Variants in NYAP2 observed in about 807,000 individuals in gnomAD.
NYAP2 encodes neuronal tyrosine-phosphorylated phosphoinositide-3-kinase adaptor 2.
Under a neutral mutation model 50.4 loss-of-function variants are expected in NYAP2, and 23 were observed. The observed-to-expected ratio is 0.46, with a 90% CI of 0.33 to 0.65. The LOEUF is 0.65. Among genes scored for constraint, NYAP2 ranks in the 30% least tolerant of loss-of-function variants. The pLI is 0.02. For missense variants in NYAP2, 885 were observed against 861.0 expected, an observed-to-expected ratio of 1.03 and a Z score of -0.35; for synonymous variants, 394 against 365.2, an observed-to-expected ratio of 1.08 and a Z score of -0.90.
In NYAP2 at chr2:225,627,109, C is replaced by T. The variant is rs372836261; in HGVS notation, c.1811C>T (p.Ala604Val). 149 of 1,586,664 alleles carry T rather than the reference C, an allele frequency of 9.4e-5. No homozygotes were observed. Among genetic ancestry groups the T allele is most frequent in the Non-Finnish European group, 1.2e-4 (137 of 1,166,278 alleles). ...TGCTCTGTGAGCCCCACCTTGTTAG[C>T]GGGAAACCACAGTTCAGGTAAGGCA... The change falls in exon 6 of 7, where the codon GCG (alanine) becomes GTG (valine). Residue 604 changes from alanine (A) to valine (V), a missense_variant. By Grantham distance (64) the Ala-to-Val change is moderately conservative. Coordinates refer to ENST00000636099, the Ensembl canonical transcript of NYAP2.
At chr2:225,657,039 A>C (rs974773679), downstream of NYAP2, among the ~76,000 whole-genome samples, 1 of 152,038 alleles carries the variant, frequency 6.6e-6, no homozygotes, top group Non-Finnish European at 1.5e-5. Flanking sequence ...GAGTGTGAGA[A>C]AGGCTAACAA....
At chr2:225,676,278 C>T in the NYAP2 span, among the ~76,000 whole-genome samples, 1 of 151,880 alleles carries the variant, frequency 6.6e-6, no homozygotes, top group Non-Finnish European at 1.5e-5. Context: ...TTTTTATATT[C>T]TGAGGTCAGA....
the NYAP2 span, chr2:225,699,572 T>C: frequency 6.6e-6 from 1 of 151,936 alleles, no homozygotes; most frequent in African/African-American, 2.4e-5. Flanking sequence ...AATGCCAATC[T>C]TTCTAAAAGT....
At chr2:225,594,625 C>T (rs1047113347) in intron 5 of NYAP2, among the ~76,000 whole-genome samples, 6 of 152,122 alleles carry the variant, frequency 3.9e-5, no homozygotes, top group East Asian at 1.9e-4. Flanking sequence ...ATGTGACTCG[C>T]GGTCTTGAAT....
intron 5 of NYAP2, among the ~76,000 whole-genome samples, chr2:225,623,961 A>C (rs1041142888): frequency 6.6e-6 from 1 of 152,228 alleles, no homozygotes; most frequent in Non-Finnish European, 1.5e-5. Flanking sequence ...ATCAATATGC[A>C]TTTTTAAAAT....
chr2:225,508,139 G>C (rs1041585410), intron 3 of NYAP2, among the ~76,000 whole-genome samples: 2 of 152,126 alleles, frequency 1.3e-5, no homozygotes, highest in African/African-American at 4.8e-5. Flanking sequence ...ATGAGAAAAA[G>C]CATACTTGTT....
chr2:225,641,656 T>C (rs1693536964), intron 6 of NYAP2, among the ~76,000 whole-genome samples: 1 of 151,708 alleles, frequency 6.6e-6, no homozygotes, highest in Non-Finnish European at 1.5e-5. Context: ...CTACTAAAAA[T>C]ACAAAAACTA....
At chr2:225,520,947 A>G (rs1400130717) in intron 4 of NYAP2, among the ~76,000 whole-genome samples, 2 of 149,826 alleles carry the variant, frequency 1.3e-5, no homozygotes, top group Non-Finnish European at 3.0e-5. Flanking sequence ...CTTTTATTTC[A>G]TTGAGCAGTG....
chr2:225,600,097 A>G (rs1692669527), intron 5 of NYAP2, among the ~76,000 whole-genome samples: 1 of 152,162 alleles, frequency 6.6e-6, no homozygotes, highest in African/African-American at 2.4e-5. Context: ...CAGTCTCTCC[A>G]AGCATTCAGG....
chr2:225,528,997 G>A (rs1382649833), intron 4 of NYAP2, among the ~76,000 whole-genome samples: 4 of 152,168 alleles, frequency 2.6e-5, no homozygotes, highest in South Asian at 4.1e-4. Context: ...AACTTTCCCC[G>A]AAGTCTCTGT....
At chr2:225,631,254 C>T (rs1466050438) in intron 6 of NYAP2, among the ~76,000 whole-genome samples, 1 of 152,138 alleles carries the variant, frequency 6.6e-6, no homozygotes, top group Non-Finnish European at 1.5e-5. Flanking sequence ...AGAGTGTAAA[C>T]AGAATTTATA....
chr2:225,524,676 G>A (rs1160582074), intron 4 of NYAP2, among the ~76,000 whole-genome samples: 1 of 152,122 alleles, frequency 6.6e-6, no homozygotes, highest in South Asian at 2.1e-4. Flanking sequence ...AATGCCTCTG[G>A]ACATTGGTCT....
the NYAP2 span, among the ~76,000 whole-genome samples, chr2:225,686,453 T>G: frequency 6.6e-6 from 1 of 152,120 alleles, no homozygotes; most frequent in Non-Finnish European, 1.5e-5. Flanking sequence ...ATTCAGTGTA[T>G]CAGCTAACAC....
At chr2:225,432,367 T>TTA (rs995111512) in intron 3 of NYAP2, among the ~76,000 whole-genome samples, 22 of 150,706 alleles carry the variant, frequency 1.5e-4, no homozygotes, top group Admixed American at 5.9e-4. Context: ...TTGTACTGTG[T>TTA]TATATATATA....
chr2:225,527,114 T>C (rs919980215), intron 4 of NYAP2, among the ~76,000 whole-genome samples: 6 of 152,332 alleles, frequency 3.9e-5, no homozygotes, highest in Non-Finnish European at 8.8e-5. Flanking sequence ...CCCTGCCTTT[T>C]TACTGGTCTC....
the NYAP2 span, among the ~76,000 whole-genome samples, chr2:225,661,825 G>A: frequency 2.6e-4 from 39 of 151,452 alleles, no homozygotes; most frequent in African/African-American, 9.5e-4. Context: ...TTGGGTTCAC[G>A]TGATTCTCCT....
At chr2:225,463,797 A>T (rs1689872961) in intron 3 of NYAP2, among the ~76,000 whole-genome samples, 1 of 152,208 alleles carries the variant, frequency 6.6e-6, no homozygotes, top group Non-Finnish European at 1.5e-5. Flanking sequence ...ATAGCAGGAT[A>T]AGCACAGAGT....
At chr2:225,405,929 G>A (rs1694933375) in intron 2 of NYAP2, among the ~76,000 whole-genome samples, 1 of 151,692 alleles carries the variant, frequency 6.6e-6, no homozygotes, top group Non-Finnish European at 1.5e-5. Flanking sequence ...ACTCACCTTT[G>A]TTTCAAAGTA....
intron 4 of NYAP2, among the ~76,000 whole-genome samples, chr2:225,565,777 T>A (rs1256030072): frequency 6.6e-6 from 1 of 152,170 alleles, no homozygotes; most frequent in African/African-American, 2.4e-5. Flanking sequence ...ATTTAACAGT[T>A]GAGCTCAACA....
Sources: allele counts gnomAD v4.1 joint callset (sites outside exome capture counted in the v4.1 genomes callset), GRCh38; gene constraint gnomAD v4.1.1; transcripts MANE v1.5; gene names NCBI Gene and HGNC (gene_info 2026-07-23, HGNC 2026-07-21).